Variants in PRKAG2 observed in about 807,000 individuals in gnomAD.
PRKAG2 encodes protein kinase AMP-activated non-catalytic subunit gamma 2.
PRKAG2 carries 26 observed loss-of-function variants against 69.6 expected under a neutral mutation model. The observed-to-expected ratio is 0.37, with a 90% CI of 0.27 to 0.52. The LOEUF (loss-of-function observed/expected upper bound fraction) is 0.52. PRKAG2 is among the 20% of genes least tolerant of loss of function. The probability of loss-of-function intolerance (pLI) is 0.90; values close to 1 mark genes in which losing one functional copy is unlikely to be tolerated. For synonymous variants in PRKAG2, 293 were observed against 285.0 expected, an observed-to-expected ratio of 1.03 and a Z score of -0.28; for missense variants, 557 against 740.0, an observed-to-expected ratio of 0.75 and a Z score of 2.87.
At chr7:151,767,999 G>C (rs750998773) in intron 3 of PRKAG2, among the ~76,000 whole-genome samples, 4 of 152,206 alleles carry the variant, frequency 2.6e-5, no homozygotes, top group Admixed American at 1.3e-4. Context: ...AGGAGAAGCA[G>C]CAATGAAATG....
chr7:151,801,981 G>C (rs910994894), intron 1 of PRKAG2, among the ~76,000 whole-genome samples: 1 of 152,184 alleles, frequency 6.6e-6, no homozygotes, highest in African/African-American at 2.4e-5. Context: ...CTCGTGTCCT[G>C]TGTGCAGGAT....
intron 4 of PRKAG2, among the ~76,000 whole-genome samples, chr7:151,650,817 A>G (rs539977085): frequency 6.6e-6 from 1 of 152,198 alleles, no homozygotes; most frequent in African/African-American, 2.4e-5. Context: ...CATTTTGTCA[A>G]ATCTCAGCTC....
chr7:151,562,719 G>C (rs1805328099), intron 14 of PRKAG2, among the ~76,000 whole-genome samples: 1 of 152,130 alleles, frequency 6.6e-6, no homozygotes, highest in Non-Finnish European at 1.5e-5. Context: ...TGTAATCCCA[G>C]CACTTTGGGA....
Position 151,703,903 on chromosome 7 carries a change from CACACACAA to C in PRKAG2, c.467-28274_467-28267del, listed in dbSNP as rs1389817343. Among the ~76,000 whole-genome samples, 271 of 129,548 alleles carry C rather than the reference CACACACAA, an allele frequency of 2.1e-3. 4 individuals are homozygous for C. The highest frequency in any genetic ancestry group is 7.9e-3 in the African/African-American group (256 of 32,528). The allele number at this position is 129,548 out of a possible 152,430, so 85.0% of individuals were successfully genotyped here. ...ACACACACACACACACACACACACA[CACACACAA>C]ATTAGCTAGGCATGGTGGCAGGTGC... On this transcript the variant is annotated intron_variant, in intron 3 of 15. Transcript: ENST00000287878.
In PRKAG2 at chr7:151,845,294, T is replaced by C. The variant is rs940587797; in HGVS notation, c.114+31213A>G. On this transcript the variant is annotated intron_variant, in intron 1 of 15. Coordinates refer to ENST00000287878, the MANE Select transcript of PRKAG2 (RefSeq NM_016203.4). The stretch of plus-strand genomic sequence containing the variant: ...GTGGAGAAAATGAATCTTGGGCTAA[T>C]GAGCTGATCAGAACCTTGAGCTGCA... Among the ~76,000 whole-genome samples the C allele has an allele frequency of 5.3e-5, 8 of 152,170 alleles. No homozygotes were observed. The East Asian group carries it at 1.5e-3, about 29-fold the overall frequency.
At chr7:151,649,670 G>C (rs950756141) in intron 4 of PRKAG2, among the ~76,000 whole-genome samples, 32 of 152,144 alleles carry the variant, frequency 2.1e-4, no homozygotes, top group African/African-American at 7.2e-4. Context: ...ATTTTCATGA[G>C]AGCTGGTTGT....
chr7:151,695,713 C>G (rs1194515088), intron 3 of PRKAG2, among the ~76,000 whole-genome samples: 1 of 152,226 alleles, frequency 6.6e-6, no homozygotes, highest in African/African-American at 2.4e-5. Flanking sequence ...GGCCACCTCC[C>G]CTGGGCAGCA....
chr7:151,671,304 C>T (rs1832007911), intron 4 of PRKAG2, among the ~76,000 whole-genome samples: 1 of 150,350 alleles, frequency 6.7e-6, no homozygotes, highest in South Asian at 2.1e-4. Flanking sequence ...TCGATGTTTA[C>T]AGAAAGTATC....
chr7:151,633,497 A>T (rs951802524), intron 4 of PRKAG2, among the ~76,000 whole-genome samples: 2 of 151,562 alleles, frequency 1.3e-5, no homozygotes, highest in Admixed American at 6.6e-5. Context: ...TCTACATACA[A>T]AATATCAAAG....
chr7:151,707,675 C>T (rs1838854623), intron 3 of PRKAG2, among the ~76,000 whole-genome samples: 1 of 152,186 alleles, frequency 6.6e-6, no homozygotes, highest in Non-Finnish European at 1.5e-5. Flanking sequence ...AGAAGGAGTC[C>T]TGAGGGAGAA....
intron 3 of PRKAG2, among the ~76,000 whole-genome samples, chr7:151,761,417 T>C (rs2075405199): frequency 6.6e-6 from 1 of 152,200 alleles, no homozygotes; most frequent in Non-Finnish European, 1.5e-5. Context: ...CCTTTTGAGA[T>C]GTCTTTCCAG....
intron 4 of PRKAG2, among the ~76,000 whole-genome samples, chr7:151,666,924 C>A (rs903208681): frequency 6.6e-6 from 1 of 152,140 alleles, no homozygotes; most frequent in African/African-American, 2.4e-5. Flanking sequence ...TGGTGCACTA[C>A]CCAGATCCCC....
intron 1 of PRKAG2, among the ~76,000 whole-genome samples, chr7:151,866,810 G>T (rs186496737): frequency 6.6e-6 from 1 of 152,080 alleles, no homozygotes; most frequent in African/African-American, 2.4e-5. Flanking sequence ...CTGCCTGCCC[G>T]TCTTCTGGAA....
intron 1 of PRKAG2, among the ~76,000 whole-genome samples, chr7:151,833,345 A>G (rs1288857896): frequency 6.6e-6 from 1 of 152,148 alleles, no homozygotes; most frequent in African/African-American, 2.4e-5. Flanking sequence ...AAGGGTTCTC[A>G]TCCCTGCTCA....
In PRKAG2 at chr7:151,804,470, C is replaced by A. The variant is rs1021022352; in HGVS notation, c.115-17929G>T. On this transcript the variant is annotated intron_variant, in intron 1 of 15. Transcript: ENST00000287878. ...TCACAGAACAGCATGGGGGAAACCACCCCCATGATTGAATTACCTCCACCT... is the reference window on the plus strand; with the variant it reads ...TCACAGAACAGCATGGGGGAAACCAACCCCATGATTGAATTACCTCCACCT... Among the ~76,000 whole-genome samples, 5 of 152,108 alleles carry A rather than the reference C, an allele frequency of 3.3e-5. No homozygotes were observed. In the East Asian group the frequency reaches 9.6e-4, roughly 29 times the overall value.
chr7:151,777,390 G>C lies in PRKAG2; in HGVS notation c.466+3762C>G, dbSNP rs1586459721. On this transcript the variant is annotated intron_variant, in intron 3 of 15. Coordinates refer to ENST00000287878, the MANE Select transcript of PRKAG2 (RefSeq NM_016203.4). The surrounding 1 kb of genome is among the most constrained non-coding windows in gnomAD (Gnocchi z 4.3). ...GCTCTCAGGTTGAAATTGGATCCCCGGTGTTGGAGGTGGGGCCCCGTGGGA... is the reference window on the plus strand; with the variant it reads ...GCTCTCAGGTTGAAATTGGATCCCCCGTGTTGGAGGTGGGGCCCCGTGGGA... Among the ~76,000 whole-genome samples the C allele has an allele frequency of 6.6e-6, 1 of 152,174 alleles. No homozygotes were observed. The highest frequency in any genetic ancestry group is 2.4e-5 in the African/African-American group (1 of 41,432).
At chr7:151,840,397 A>T (rs1310750729) in intron 1 of PRKAG2, among the ~76,000 whole-genome samples, 2 of 152,194 alleles carry the variant, frequency 1.3e-5, no homozygotes, top group Admixed American at 6.5e-5. Context: ...TCATTCATTC[A>T]TTTAGATGAG....
At chr7:151,558,960 C>T (rs751938438) in intron 15 of PRKAG2, 30 of 985,306 alleles carry the variant, frequency 3.0e-5, no homozygotes, top group Non-Finnish European at 3.6e-5. Flanking sequence ...AAGAGACAGA[C>T]AAGAGCTGAC....
chr7:151,630,761 G>A (rs1031083015), intron 5 of PRKAG2, among the ~76,000 whole-genome samples: 2 of 152,222 alleles, frequency 1.3e-5, no homozygotes, highest in Admixed American at 6.5e-5. Flanking sequence ...CCACCCTGTG[G>A]ACAGCGGCCA....
Sources: allele counts gnomAD v4.1 joint callset (sites outside exome capture counted in the v4.1 genomes callset), GRCh38; gene constraint gnomAD v4.1.1; non-coding constraint Gnocchi (gnomAD v3.1); transcripts MANE v1.5; gene names NCBI Gene and HGNC (gene_info 2026-07-23, HGNC 2026-07-21).